TBL1X: variants seen among roughly 807,000 people sequenced by gnomAD.
The protein encoded by TBL1X is transducin beta like 1 X-linked.
In TBL1X, 10 loss-of-function variants were observed where a neutral mutation model predicts 50.7. The observed-to-expected ratio is 0.20, with a 90% CI of 0.12 to 0.33. The LOEUF is 0.33. TBL1X is among the 10% of genes least tolerant of loss of function. The pLI is 1.00. For synonymous variants in TBL1X, 190 were observed against 214.7 expected (o/e 0.88, Z 1.01); for missense variants, 340 against 504.4 (o/e 0.67, Z 3.12).
intron 5 of TBL1X, among the ~76,000 whole-genome samples, chrX:9,671,720 G>A (rs151260007): frequency 8.9e-6 from 1 of 112,599 alleles, no homozygotes; most frequent in East Asian, 2.8e-4. Context: ...ATACAGTGGT[G>A]TAGGTTTGCA....
At chrX:9,629,248 T>C (rs1337644128) in intron 2 of TBL1X, among the ~76,000 whole-genome samples, 1 of 112,824 alleles carries the variant, frequency 8.9e-6, no homozygotes, top group Non-Finnish European at 1.9e-5. Context: ...CTTTTGTAGG[T>C]AGTTTTATTG....
chrX:9,553,688 A>G (rs745391508), intron 2 of TBL1X, among the ~76,000 whole-genome samples: 50 of 111,894 alleles, frequency 4.5e-4, no homozygotes, highest in African/African-American at 1.0e-3. Flanking sequence ...TATTATTTTC[A>G]TTGATCTGAT....
chrX:9,617,749 C>T (rs909376371), intron 2 of TBL1X, among the ~76,000 whole-genome samples: 1 of 112,286 alleles, frequency 8.9e-6, no homozygotes, highest in Non-Finnish European at 1.9e-5. Context: ...GTATAAGCAA[C>T]GCTGAGTTCC....
At chrX:9,674,899 C>T (rs1330014183) in intron 5 of TBL1X, among the ~76,000 whole-genome samples, 1 of 111,047 alleles carries the variant, frequency 9.0e-6, no homozygotes, top group African/African-American at 3.3e-5. Flanking sequence ...GTTCTTTGCT[C>T]GTTATCTGAA....
At chrX:9,569,682 C>T (rs1337124178) in intron 2 of TBL1X, among the ~76,000 whole-genome samples, 6 of 111,534 alleles carry the variant, frequency 5.4e-5, no homozygotes, top group Non-Finnish European at 5.6e-5. Flanking sequence ...CAAGACCAAA[C>T]GAAACAGGAA....
intron 1 of TBL1X, among the ~76,000 whole-genome samples, chrX:9,486,051 A>C (rs1162369020): frequency 9.0e-6 from 1 of 110,605 alleles, no homozygotes; most frequent in Non-Finnish European, 1.9e-5. Context: ...AACATGCTTC[A>C]TTATGCCCTC....
intron 5 of TBL1X, among the ~76,000 whole-genome samples, chrX:9,682,594 G>A (rs777253675): frequency 5.4e-5 from 6 of 111,950 alleles, no homozygotes; most frequent in Non-Finnish European, 9.4e-5. Context: ...TCGTCTCCTG[G>A]AGGAACATTC....
At chrX:9,546,866 T>G (rs1161068289) in intron 2 of TBL1X, among the ~76,000 whole-genome samples, 1 of 84,546 alleles carries the variant, frequency 1.2e-5, no homozygotes, top group African/African-American at 4.5e-5. Context: ...TCGCCCAGGC[T>G]GGAGTGCAGT....
At chrX:9,494,409 C>T (rs1022678024) in intron 1 of TBL1X, among the ~76,000 whole-genome samples, 6 of 111,108 alleles carry the variant, frequency 5.4e-5, no homozygotes, top group Non-Finnish European at 9.4e-5. Context: ...GACACTTAGT[C>T]TAAATGGAAG....
At chrX:9,669,239 G>A (rs1050139484) in intron 5 of TBL1X, among the ~76,000 whole-genome samples, 2 of 111,014 alleles carry the variant, frequency 1.8e-5, no homozygotes, top group African/African-American at 6.6e-5. Context: ...TCGTAATATA[G>A]GCGACAAAAA....
intron 2 of TBL1X, among the ~76,000 whole-genome samples, chrX:9,549,206 C>T (rs1200865153): frequency 8.9e-6 from 1 of 112,327 alleles, no homozygotes; most frequent in Admixed American, 9.4e-5. Context: ...AGGCCTGGAG[C>T]TGGGTCAGCT....
intron 16 of TBL1X, among the ~76,000 whole-genome samples, chrX:9,714,401 G>C (rs1459522915): frequency 8.9e-6 from 1 of 111,732 alleles, no homozygotes; most frequent in Non-Finnish European, 1.9e-5. Context: ...AGATGGGCGA[G>C]AGATTTATTG....
rs1180344854 is a variant in TBL1X, at chrX:9,688,115, G to C, written c.456G>C (p.Glu152Asp). ...AGACGCGGCAGCAGGCATTCCGAGA[G>C]AAGCTCGCTCAGCAGCAAGCCAGTG... ...VVQTRQQAFREKLAQQQASAA... is the reference protein window; with the variant it reads ...VVQTRQQAFRDKLAQQQASAA... Residue 152 changes from glutamate to aspartate, a missense_variant, in exon 7 of 18, where the codon GAG (glutamate) becomes GAC (aspartate). Glu to Asp is a conservative substitution (Grantham distance 45). Coordinates refer to ENST00000645353, the MANE Select transcript of TBL1X (RefSeq NM_005647.4). 2 of 1,210,281 alleles carry C rather than the reference G, an allele frequency of 1.7e-6. No homozygotes were observed. The highest frequency in any genetic ancestry group is 1.7e-5 in the African/African-American group (1 of 57,871).
At chrX:9,602,089 G>T (rs963854397) in intron 2 of TBL1X, among the ~76,000 whole-genome samples, 2 of 111,995 alleles carry the variant, frequency 1.8e-5, no homozygotes, top group Non-Finnish European at 3.8e-5. Flanking sequence ...GTCCGCAAAA[G>T]GTCAAAGGCA....
At chrX:9,656,862 G>T (rs1175763896) in intron 5 of TBL1X, among the ~76,000 whole-genome samples, 3 of 111,921 alleles carry the variant, frequency 2.7e-5, no homozygotes, top group African/African-American at 9.7e-5. Context: ...TTTTGGTTAG[G>T]TCAATAGTCA....
intron 2 of TBL1X, among the ~76,000 whole-genome samples, chrX:9,550,013 C>T (rs1457441985): frequency 8.9e-6 from 1 of 111,854 alleles, no homozygotes; most frequent in Non-Finnish European, 1.9e-5. Context: ...GATCAGACAG[C>T]TCTGGAAATG....
chrX:9,510,376 A>C (rs1224401251), intron 2 of TBL1X, among the ~76,000 whole-genome samples: 3 of 112,343 alleles, frequency 2.7e-5, no homozygotes, highest in Non-Finnish European at 5.6e-5. Flanking sequence ...GGACTAATCC[A>C]AGAAGTTGGG....
intron 5 of TBL1X, among the ~76,000 whole-genome samples, chrX:9,675,764 G>A (rs764741936): frequency 6.9e-4 from 76 of 109,963 alleles, no homozygotes; most frequent in African/African-American, 2.1e-3. Context: ...GGTGGCATGC[G>A]CCTGTAATCC....
In TBL1X at chrX:9,713,421, C is replaced by CT. The variant is rs757107084; in HGVS notation, c.1606-1477dup. 1.2e-3 allele frequency among the ~76,000 whole-genome samples: 104 copies of CT among 87,552 alleles called. 7 individuals are homozygous for CT. The highest frequency in any genetic ancestry group is 3.1e-3 in the African/African-American group (66 of 21,563). The allele number at this position is 87,552 out of a possible 115,157, so 76.0% of individuals were successfully genotyped here. A position where few individuals can be genotyped will look rare whatever the true frequency, so the allele number is the denominator to read the frequency against. On this transcript the variant is annotated intron_variant, in intron 16 of 17. Coordinates refer to ENST00000645353, the MANE Select transcript of TBL1X (RefSeq NM_005647.4). ...TTATAAATCAAAGAAATCCTTAGGACTTTTCTTTTTTTTTTTTTTTTTTGG... is the reference window on the plus strand; with the variant it reads ...TTATAAATCAAAGAAATCCTTAGGACTTTTTCTTTTTTTTTTTTTTTTTTGG...
Sources: allele counts gnomAD v4.1 joint callset (sites outside exome capture counted in the v4.1 genomes callset), GRCh38; gene constraint gnomAD v4.1.1; transcripts MANE v1.5; gene names NCBI Gene and HGNC (gene_info 2026-07-23, HGNC 2026-07-21).